The following GCNT1 variants were observed in gnomAD, a reference collection of about 807,000 sequenced individuals.
GCNT1 encodes beta-1,3-galactosyl-O-glycosyl-glycoprotein beta-1,6-N-acetylglucosaminyltransferase.
GCNT1 carries 16 observed loss-of-function variants against 26.2 expected under a neutral mutation model. The observed-to-expected ratio is 0.61, with a 90% CI of 0.41 to 0.93. The LOEUF (loss-of-function observed/expected upper bound fraction) is 0.93. Among genes scored for constraint, GCNT1 ranks in the 40% least tolerant of loss-of-function variants. The pLI is 0.00. For missense variants in GCNT1, 477 were observed against 526.7 expected, an observed-to-expected ratio of 0.91 and a Z score of 0.92; for synonymous variants, 183 against 190.8, an observed-to-expected ratio of 0.96 and a Z score of 0.34.
rs374902539 is a variant in GCNT1, at chr9:76,496,446, T to C, written c.-289-4470T>C. ...GTCAGCCTGGGATTTGTGCATATGC[T>C]TTTTCAGTTTCCTCTCGTCCATCTG... On this transcript the variant is annotated intron_variant, in intron 2 of 3. Transcript: ENST00000376730. Among the ~76,000 whole-genome samples, 4 of 152,170 alleles carry C rather than the reference T, an allele frequency of 2.6e-5. No homozygotes were observed. The East Asian group carries it at 7.7e-4, about 29-fold the overall frequency.
intron 2 of GCNT1, among the ~76,000 whole-genome samples, chr9:76,483,395 A>G (rs1320310188): frequency 1.5e-5 from 2 of 134,682 alleles, no homozygotes; most frequent in African/African-American, 5.3e-5. Context: ...TTCTACTATT[A>G]AGGAGGGGTT....
At chr9:76,475,916 C>T (rs939370179) in intron 2 of GCNT1, among the ~76,000 whole-genome samples, 1 of 152,128 alleles carries the variant, frequency 6.6e-6, no homozygotes, top group African/African-American at 2.4e-5. Context: ...TGTTTGACTT[C>T]ACACTTCTGT....
At chr9:76,483,193 A>T (rs1824468432) in intron 2 of GCNT1, among the ~76,000 whole-genome samples, 2 of 152,166 alleles carry the variant, frequency 1.3e-5, no homozygotes, top group African/African-American at 4.8e-5. Flanking sequence ...TTAAAATTTT[A>T]AAAAAGTATT....
intron 2 of GCNT1, among the ~76,000 whole-genome samples, chr9:76,464,497 G>A (rs1040605903): frequency 2.6e-5 from 4 of 152,216 alleles, no homozygotes; most frequent in African/African-American, 7.2e-5. Context: ...GATTACAGGT[G>A]TAAGCCACCA....
At chr9:76,394,009 C>T in the GCNT1 span, 3 of 1,383,366 alleles carry the variant, frequency 2.2e-6, no homozygotes, top group East Asian at 2.7e-5. Flanking sequence ...GCCCCACGCC[C>T]CGGTCCCAAG....
upstream of GCNT1, among the ~76,000 whole-genome samples, chr9:76,458,625 C>A (rs1823802855): frequency 6.6e-6 from 1 of 152,188 alleles, no homozygotes; most frequent in South Asian, 2.1e-4. Context: ...ACACAAAGAT[C>A]TGTGCTATAA....
intron 1 of GCNT1, among the ~76,000 whole-genome samples, chr9:76,426,221 G>A (rs987412748): frequency 2.6e-5 from 4 of 152,204 alleles, no homozygotes; most frequent in African/African-American, 9.6e-5. Context: ...AACAAGGACA[G>A]CTTGGAGGTT....
upstream of GCNT1, among the ~76,000 whole-genome samples, chr9:76,458,175 A>ATTTTTTTT (rs779648273): frequency 2.0e-4 from 15 of 76,214 alleles, no homozygotes; most frequent in African/African-American, 2.2e-4. Flanking sequence ...TCTGAGTTGG[A>ATTTTTTTT]TTTTTTTTTT....
At chr9:76,448,689 ATT>A in intron 1 of GCNT1, among the ~76,000 whole-genome samples, 2 of 152,180 alleles carry the variant, frequency 1.3e-5, no homozygotes, top group Non-Finnish European at 2.9e-5. Flanking sequence ...CTCTTCCAGA[ATT>A]TCAGATACAT....
intron 2 of GCNT1, among the ~76,000 whole-genome samples, chr9:76,495,791 T>C (rs1230679813): frequency 1.3e-5 from 2 of 152,242 alleles, no homozygotes; most frequent in East Asian, 3.9e-4. Context: ...CAGAAGAAAA[T>C]GTTGGGTGAA....
At chr9:76,463,042 C>T (rs1823908230) in intron 2 of GCNT1, among the ~76,000 whole-genome samples, 1 of 152,144 alleles carries the variant, frequency 6.6e-6, no homozygotes, top group Non-Finnish European at 1.5e-5. Flanking sequence ...AAAATCTCGA[C>T]TTTCTCAAAG....
At chr9:76,443,982 G>A (rs374073519) in intron 1 of GCNT1, among the ~76,000 whole-genome samples, 12 of 73,848 alleles carry the variant, frequency 1.6e-4, no homozygotes, top group African/African-American at 5.9e-4. Context: ...AGGAAGGAAG[G>A]AAGGAAGGAA....
intron 2 of GCNT1, among the ~76,000 whole-genome samples, chr9:76,480,453 G>A (rs1824392997): frequency 6.6e-6 from 1 of 152,106 alleles, no homozygotes. Flanking sequence ...GGGCAGTATG[G>A]CCATTTTCAC....
At chr9:76,417,864 G>T (rs951757517), upstream of GCNT1, among the ~76,000 whole-genome samples, 2 of 152,122 alleles carry the variant, frequency 1.3e-5, no homozygotes, top group South Asian at 4.2e-4. Context: ...ATTGTAGAGG[G>T]GCCAAGGGAA....
At position 76,501,000 on chromosome 9, in the gene GCNT1, A is replaced by G. The variant is rs958150956; in HGVS notation, c.-205A>G. 2.0e-5 allele frequency: 3 copies of G among 152,226 alleles called. No individual in the cohort carries two copies. Among genetic ancestry groups the G allele is most frequent in the Non-Finnish European group, 4.4e-5 (3 of 68,038 alleles). 9.4% of individuals were successfully genotyped at this position (152,226 alleles called of 1,614,324 possible). On this transcript the variant is annotated 5_prime_UTR_variant, in exon 3 of 4. The change abolishes an upstream ATG in the 5' untranslated region. Transcript: ENST00000376730. ...CCTGACAGCATGTGAAGTGCTCAGA[A>G]TGGGGCAGGATGTCACCTGGAATCA...
At chr9:76,402,910 C>T in the GCNT1 span, among the ~76,000 whole-genome samples, 1 of 152,138 alleles carries the variant, frequency 6.6e-6, no homozygotes, top group African/African-American at 2.4e-5. Flanking sequence ...AAACTCCTGA[C>T]CTTGTGATCT....
At chr9:76,416,255 T>C (rs1823131693), upstream of GCNT1, among the ~76,000 whole-genome samples, 1 of 152,040 alleles carries the variant, frequency 6.6e-6, no homozygotes, top group African/African-American at 2.4e-5. Flanking sequence ...AGGGGGAAGA[T>C]TATCTTCCCA....
intron 2 of GCNT1, among the ~76,000 whole-genome samples, chr9:76,475,527 A>G (rs1478974891): frequency 6.6e-6 from 1 of 152,126 alleles, no homozygotes; most frequent in African/African-American, 2.4e-5. Context: ...TGGACATTTG[A>G]TGTTTTTTAT....
intron 1 of GCNT1, among the ~76,000 whole-genome samples, chr9:76,424,941 C>T (rs1198805264): frequency 6.6e-6 from 1 of 151,976 alleles, no homozygotes; most frequent in Admixed American, 6.6e-5. Context: ...AGATTGAGAC[C>T]ATCCTGGCTA....
Sources: allele counts gnomAD v4.1 joint callset (sites outside exome capture counted in the v4.1 genomes callset), GRCh38; gene constraint gnomAD v4.1.1; transcripts MANE v1.5; gene names NCBI Gene and HGNC (gene_info 2026-07-23, HGNC 2026-07-21).